The following SLCO3A1 variants were observed in gnomAD, a reference collection of about 807,000 sequenced individuals.
The protein encoded by SLCO3A1 is PGE1 transporter.
SLCO3A1 carries 27 observed loss-of-function variants against 63.1 expected under a neutral mutation model. That is an observed-to-expected ratio of 0.43 (90% CI 0.32 to 0.59). The LOEUF is 0.59. Ranked by LOEUF, SLCO3A1 falls within the 20% of genes least tolerant of loss-of-function variation. SLCO3A1 has a pLI of 0.09. For missense variants in SLCO3A1, 773 were observed against 945.8 expected, an observed-to-expected ratio of 0.82 and a Z score of 2.40; for synonymous variants, 473 against 409.9, an observed-to-expected ratio of 1.15 and a Z score of -1.86.
intron 2 of SLCO3A1, among the ~76,000 whole-genome samples, chr15:92,004,913 A>G (rs1218475016): frequency 6.6e-6 from 1 of 152,208 alleles, no homozygotes; most frequent in Non-Finnish European, 1.5e-5. Context: ...AGTGTGGTCT[A>G]TGGCTCTAAG....
rs1020867680 is a variant in SLCO3A1, at chr15:91,950,715, C to T, written c.646+34257C>T. ...GTATTTCACAACCAGTCTGATTGCT[C>T]TTGTCCCAAGTCATTGCTTTTTGGG... On this transcript the variant is annotated intron_variant, in intron 2 of 9. Transcript: ENST00000318445. This position sits in a 1 kb window ranked among gnomAD's most constrained non-coding sequence, Gnocchi z 4.4. Among the ~76,000 whole-genome samples, 22 of 152,174 alleles carry T rather than the reference C, an allele frequency of 1.4e-4. No homozygotes were observed. Among genetic ancestry groups the T allele is most frequent in the Non-Finnish European group, 2.4e-4 (16 of 68,026 alleles).
In SLCO3A1 at chr15:92,164,402, T is replaced by C; in HGVS notation, c.*1267T>C. On this transcript the variant is annotated 3_prime_UTR_variant, in exon 10 of 10. Coordinates refer to ENST00000318445, the MANE Select transcript of SLCO3A1 (RefSeq NM_013272.4). ...GACAACAGGGGATAATGTGATGAAT[T>C]GCAAATTTGCCTTTTAGCTTCCTTC... The C allele has an allele frequency of 1.0e-6, 1 of 985,458 alleles. No homozygotes were observed. The highest frequency in any genetic ancestry group is 6.1e-5 in the Admixed American group (1 of 16,294). 61.0% of individuals were successfully genotyped at this position (985,458 alleles called of 1,614,324 possible). A position where few individuals can be genotyped will look rare whatever the true frequency, so the allele number is the denominator to read the frequency against.
rs1353774563 is a variant in SLCO3A1, at chr15:91,875,982, A to C, written c.180+21894A>C. On this transcript the variant is annotated intron_variant, in intron 1 of 9. Coordinates refer to ENST00000318445, the MANE Select transcript of SLCO3A1 (RefSeq NM_013272.4). The surrounding 1 kb of genome is among the most constrained non-coding windows in gnomAD (Gnocchi z 4.5). The stretch of plus-strand genomic sequence containing the variant: ...CTCTAGAATCTTAAAGAATTCTTAG[A>C]GTTGTGGTCTCAGATCTCTAGATCC... 6.6e-6 allele frequency among the ~76,000 whole-genome samples: 1 copy of C among 152,134 alleles called. No homozygotes were observed. Among genetic ancestry groups the C allele is most frequent in the African/African-American group, 2.4e-5 (1 of 41,420 alleles).
At chr15:92,073,118 G>A (rs932006824) in intron 2 of SLCO3A1, among the ~76,000 whole-genome samples, 1 of 152,126 alleles carries the variant, frequency 6.6e-6, no homozygotes, top group Non-Finnish European at 1.5e-5. Flanking sequence ...AGCAGAGAGA[G>A]CTTGGGAGAC....
chr15:92,001,972 G>T (rs558363544), intron 2 of SLCO3A1, among the ~76,000 whole-genome samples: 2 of 151,898 alleles, frequency 1.3e-5, no homozygotes, highest in Admixed American at 1.3e-4. Flanking sequence ...CTCAATGCAG[G>T]TCCCTCCATC....
intron 2 of SLCO3A1, among the ~76,000 whole-genome samples, chr15:91,963,842 G>A (rs1372514944): frequency 6.6e-6 from 1 of 152,104 alleles, no homozygotes; most frequent in Non-Finnish European, 1.5e-5. Flanking sequence ...AAGAGCGAAA[G>A]AACAAAGCTT....
intron 2 of SLCO3A1, among the ~76,000 whole-genome samples, chr15:92,037,969 A>G (rs2046748662): frequency 6.6e-6 from 1 of 152,232 alleles, no homozygotes. Flanking sequence ...TGAGAAGAGC[A>G]GTTAATCTCA....
intron 2 of SLCO3A1, among the ~76,000 whole-genome samples, chr15:91,930,877 C>G (rs776032053): frequency 6.6e-6 from 1 of 152,170 alleles, no homozygotes; most frequent in African/African-American, 2.4e-5. Flanking sequence ...TAAAGGGACA[C>G]CTTGGGGATT....
downstream of SLCO3A1, among the ~76,000 whole-genome samples, chr15:92,169,266 C>T (rs1348189995): frequency 1.1e-4 from 16 of 152,186 alleles, no homozygotes; most frequent in African/African-American, 3.9e-4. Context: ...GATTCAAACC[C>T]AGGTCTGTGA....
chr15:91,944,345 G>A (rs1899727885), intron 2 of SLCO3A1, among the ~76,000 whole-genome samples: 1 of 152,140 alleles, frequency 6.6e-6, no homozygotes, highest in Non-Finnish European at 1.5e-5. Flanking sequence ...GGGCTTCGAG[G>A]CAAGACAGAC....
Position 91,916,324 on chromosome 15 carries a change from C to G in SLCO3A1, c.512C>G (p.Thr171Arg). 1 of 1,597,112 alleles carries G rather than the reference C, an allele frequency of 6.3e-7. No homozygotes were observed. The highest frequency in any genetic ancestry group is 8.5e-7 in the Non-Finnish European group (1 of 1,172,144). The change falls in exon 2 of 10, where the codon ACG becomes AGG. Residue 171 changes from threonine (T) to arginine (R), a missense_variant. Physicochemically the swap from Thr to Arg is moderately conservative, Grantham distance 71. Transcript: ENST00000318445. This position sits in a 1 kb window ranked among gnomAD's most constrained non-coding sequence, Gnocchi z 6.2. ...PDPDLICRNR[T>R]ATNMMYLLLI... Reference sequence around the variant, plus strand: ...CCCGACCTCATCTGCCGCAACCGGACGGCTACCAACATGATGTACTTGCTG... The same window carrying G: ...CCCGACCTCATCTGCCGCAACCGGAGGGCTACCAACATGATGTACTTGCTG...
intron 2 of SLCO3A1, among the ~76,000 whole-genome samples, chr15:92,052,337 C>CTG (rs914525612): frequency 5.3e-5 from 8 of 152,174 alleles, no homozygotes; most frequent in African/African-American, 1.7e-4. Context: ...CCTGGAGACA[C>CTG]TGGAAGACAG....
chr15:92,050,838 G>T (rs971218686), intron 2 of SLCO3A1, among the ~76,000 whole-genome samples: 12 of 152,130 alleles, frequency 7.9e-5, no homozygotes, highest in African/African-American at 2.9e-4. Context: ...ATGCTGTTAC[G>T]GCTCGGGATG....
chr15:92,094,400 T>C (rs1401292413), intron 2 of SLCO3A1, among the ~76,000 whole-genome samples: 2 of 152,272 alleles, frequency 1.3e-5, no homozygotes, highest in African/African-American at 2.4e-5. Context: ...TTGAACGTTT[T>C]ATTATATTTG....
intron 7 of SLCO3A1, among the ~76,000 whole-genome samples, chr15:92,139,761 C>T (rs2048105040): frequency 6.6e-6 from 1 of 152,040 alleles, no homozygotes; most frequent in Middle Eastern, 3.4e-3. Flanking sequence ...AGTTTATTTG[C>T]ACAGAGGTGT....
chr15:92,164,568 A>AAAG lies in SLCO3A1; in HGVS notation c.*1439_*1441dup. ...TGGGTGCAACACTTCCGGGGATAGG[A>AAAG]AAGAAGAACAGTTCCCTAACACAAG... On this transcript the variant is annotated 3_prime_UTR_variant, in exon 10 of 10. Transcript: ENST00000318445. 1.0e-6 allele frequency: 1 copy of AAAG among 984,326 alleles called. No individual in the cohort carries two copies. Among genetic ancestry groups the AAAG allele is most frequent in the African/African-American group, 1.8e-5 (1 of 56,864 alleles). The allele number at this position is 984,326 out of a possible 1,614,324, so 61.0% of individuals were successfully genotyped here. A position where few individuals can be genotyped will look rare whatever the true frequency, so the allele number is the denominator to read the frequency against.
At position 92,033,200 on chromosome 15, in the gene SLCO3A1, G is replaced by C. The variant is rs12437726; in HGVS notation, c.647-61681G>C. On this transcript the variant is annotated intron_variant, in intron 2 of 9. Transcript: ENST00000318445. This position sits in a 1 kb window ranked among gnomAD's most constrained non-coding sequence, Gnocchi z 4.5. The stretch of plus-strand genomic sequence containing the variant: ...TTCCATTCTGGGATGAGGAAACTGA[G>C]GCCATGCCTACGTAAATGTATTGAT... Among the ~76,000 whole-genome samples, 8,275 of 152,290 alleles carry C rather than the reference G, an allele frequency of 0.054. 350 individuals are homozygous for C. Among genetic ancestry groups the C allele is most frequent in the South Asian group, 0.19 (934 of 4,824 alleles).
intron 4 of SLCO3A1, among the ~76,000 whole-genome samples, chr15:92,117,998 C>G (rs1408413765): frequency 1.3e-5 from 2 of 152,148 alleles, no homozygotes; most frequent in Non-Finnish European, 2.9e-5. Flanking sequence ...GTAAACACTT[C>G]TAAATATTTA....
chr15:91,885,008 G>C lies in SLCO3A1; in HGVS notation c.180+30920G>C, dbSNP rs1473697262. On this transcript the variant is annotated intron_variant, in intron 1 of 9. Transcript: ENST00000318445. The surrounding 1 kb of genome is among the most constrained non-coding windows in gnomAD (Gnocchi z 4.7). ...CTGATTCCCTTCCTCAGTGAATCAGGAAAGCTTTCTGGGGAAAGGAGTTGT... is the reference window on the plus strand; with the variant it reads ...CTGATTCCCTTCCTCAGTGAATCAGCAAAGCTTTCTGGGGAAAGGAGTTGT... Among the ~76,000 whole-genome samples, 1 of 152,154 alleles carries C rather than the reference G, an allele frequency of 6.6e-6. No homozygotes were observed. Among genetic ancestry groups the C allele is most frequent in the Admixed American group, 6.5e-5 (1 of 15,276 alleles).
Sources: allele counts gnomAD v4.1 joint callset (sites outside exome capture counted in the v4.1 genomes callset), GRCh38; gene constraint gnomAD v4.1.1; non-coding constraint Gnocchi (gnomAD v3.1); transcripts MANE v1.5; gene names NCBI Gene and HGNC (gene_info 2026-07-23, HGNC 2026-07-21).